The following B3GALT1 variants were observed in gnomAD, a reference collection of about 807,000 sequenced individuals.
B3GALT1 encodes UDP-Gal:betaGlcNAc beta 1,3-galactosyltransferase, polypeptide 1.
Under a neutral mutation model 23.2 loss-of-function variants are expected in B3GALT1, and 10 were observed. The ratio of observed to expected loss-of-function variants is 0.43; its 90% CI spans 0.27 to 0.73. The LOEUF (loss-of-function observed/expected upper bound fraction) is 0.73. B3GALT1 is among the 30% of genes least tolerant of loss of function. B3GALT1 has a pLI of 0.21. For missense variants in B3GALT1, 299 were observed against 405.4 expected, an observed-to-expected ratio of 0.74 and a Z score of 2.25; for synonymous variants, 156 against 141.5, an observed-to-expected ratio of 1.10 and a Z score of -0.73.
In B3GALT1 at chr2:167,521,985, T is replaced by TATATATATATATATACAC. The variant is rs1700194800; in HGVS notation, c.-410+31723_-410+31724insCACATATATATATATATA. Among the ~76,000 whole-genome samples the TATATATATATATATACAC allele has an allele frequency of 9.7e-5, 10 of 103,356 alleles. No homozygotes were observed. The South Asian group carries it at 2.2e-3, about 22-fold the overall frequency. The allele number at this position is 103,356 out of a possible 152,430, so 67.8% of individuals were successfully genotyped here. A position where few individuals can be genotyped will look rare whatever the true frequency, so the allele number is the denominator to read the frequency against. On this transcript the variant is annotated intron_variant, in intron 2 of 4. Coordinates refer to ENST00000392690, the MANE Select transcript of B3GALT1 (RefSeq NM_020981.4). ...CAACATATATGTGTGTGTGTGTGTG[T>TATATATATATATATACAC]ATATATATATATATATATATACACA...
intron 1 of B3GALT1, among the ~76,000 whole-genome samples, chr2:167,470,882 T>G (rs1699411133): frequency 6.6e-6 from 1 of 152,162 alleles, no homozygotes; most frequent in Non-Finnish European, 1.5e-5. Flanking sequence ...CTTGATCAAT[T>G]TCATATAGCT....
intron 1 of B3GALT1, among the ~76,000 whole-genome samples, chr2:167,397,215 CCTCT>C (rs907727531): frequency 4.0e-5 from 6 of 151,094 alleles, no homozygotes; most frequent in African/African-American, 9.7e-5. Context: ...TTCATTCTTC[CCTCT>C]CTCTCCTTCC....
chr2:167,455,658 A>T (rs1346010355), intron 1 of B3GALT1, among the ~76,000 whole-genome samples: 1 of 151,948 alleles, frequency 6.6e-6, no homozygotes, highest in Admixed American at 6.6e-5. Context: ...GATTACAGGC[A>T]CACACCACCA....
intron 3 of B3GALT1, among the ~76,000 whole-genome samples, chr2:167,752,494 T>C (rs1341483864): frequency 6.6e-6 from 1 of 151,114 alleles, no homozygotes; most frequent in African/African-American, 2.4e-5. Context: ...TTGTAAACTT[T>C]CCAAAAAGAG....
At chr2:167,626,577 C>G (rs977709522) in intron 2 of B3GALT1, among the ~76,000 whole-genome samples, 12 of 151,610 alleles carry the variant, frequency 7.9e-5, no homozygotes, top group African/African-American at 2.9e-4. Context: ...GATTCATTCT[C>G]TTATCCAAAG....
chr2:167,378,217 T>C (rs1226737387), intron 1 of B3GALT1, among the ~76,000 whole-genome samples: 1 of 152,166 alleles, frequency 6.6e-6, no homozygotes, highest in Non-Finnish European at 1.5e-5. Context: ...GTTCCCTTAG[T>C]CTGTGATGTG....
At chr2:167,565,037 C>A (rs1014256470) in intron 2 of B3GALT1, among the ~76,000 whole-genome samples, 1 of 152,152 alleles carries the variant, frequency 6.6e-6, no homozygotes, top group Admixed American at 6.5e-5. Flanking sequence ...AAAAAAGAGC[C>A]CGCATTGCCA....
intron 3 of B3GALT1, among the ~76,000 whole-genome samples, chr2:167,734,547 A>G (rs9646774): frequency 0.2 from 30,574 of 152,180 alleles, 3,405 homozygotes; most frequent in Non-Finnish European, 0.26. Context: ...TGGCCATGAA[A>G]TCAATGCCAT....
intron 1 of B3GALT1, among the ~76,000 whole-genome samples, chr2:167,322,525 A>G (rs1342843803): frequency 1.3e-5 from 2 of 151,986 alleles, no homozygotes; most frequent in East Asian, 1.9e-4. Flanking sequence ...TTTTGCTGTA[A>G]TAGACTAAAT....
At chr2:167,791,097 G>A (rs182313749) in intron 3 of B3GALT1, among the ~76,000 whole-genome samples, 2 of 152,232 alleles carry the variant, frequency 1.3e-5, no homozygotes, top group Admixed American at 1.3e-4. Context: ...CTATGTGCCA[G>A]GCTGTGGTCT....
chr2:167,515,977 C>T (rs1167923165), intron 2 of B3GALT1, among the ~76,000 whole-genome samples: 11 of 152,048 alleles, frequency 7.2e-5, no homozygotes, highest in Non-Finnish European at 1.5e-4. Context: ...TCTAGCAATA[C>T]TATTCTGAAG....
chr2:167,389,552 G>A (rs2105281506), intron 1 of B3GALT1, among the ~76,000 whole-genome samples: 1 of 152,256 alleles, frequency 6.6e-6, no homozygotes, highest in Non-Finnish European at 1.5e-5. Flanking sequence ...ACAATAGAGG[G>A]CAGCCTAAGT....
chr2:167,420,945 G>A (rs1383410644), intron 1 of B3GALT1, among the ~76,000 whole-genome samples: 1 of 152,140 alleles, frequency 6.6e-6, no homozygotes, highest in Admixed American at 6.5e-5. Flanking sequence ...AAAAATGTAA[G>A]TGACTTATAC....
intron 1 of B3GALT1, among the ~76,000 whole-genome samples, chr2:167,413,638 A>G (rs2105297189): frequency 2.0e-5 from 3 of 151,972 alleles, no homozygotes; most frequent in Admixed American, 2.0e-4. Flanking sequence ...TCTTTGCTTT[A>G]AATTTTATGT....
chr2:167,739,940 A>G (rs75680498), intron 3 of B3GALT1, among the ~76,000 whole-genome samples: 4 of 106,602 alleles, frequency 3.8e-5, no homozygotes, highest in Admixed American at 9.0e-5. Context: ...AAAAACAAAC[A>G]AAAAAAAAAA....
intron 2 of B3GALT1, among the ~76,000 whole-genome samples, chr2:167,536,456 A>G (rs1156417559): frequency 1.3e-5 from 2 of 152,168 alleles, no homozygotes; most frequent in Non-Finnish European, 2.9e-5. Context: ...ACTAGGAAAC[A>G]TTTTATTTGT....
At chr2:167,819,053 A>C (rs13421840) in intron 4 of B3GALT1, among the ~76,000 whole-genome samples, 3,133 of 152,300 alleles carry the variant, frequency 0.021, 115 homozygotes, top group African/African-American at 0.071. Flanking sequence ...CGTGCAGGAA[A>C]AAGCCTTTAT....
At chr2:167,467,956 C>G (rs1699372131) in intron 1 of B3GALT1, among the ~76,000 whole-genome samples, 1 of 151,990 alleles carries the variant, frequency 6.6e-6, no homozygotes, top group South Asian at 2.1e-4. Context: ...AATAAGCAAC[C>G]AAAAATATAC....
intron 3 of B3GALT1, among the ~76,000 whole-genome samples, chr2:167,684,097 G>A (rs1056884090): frequency 5.3e-5 from 8 of 152,134 alleles, no homozygotes; most frequent in African/African-American, 1.7e-4. Flanking sequence ...AGCACCTAAT[G>A]CAAGGCATCA....
Sources: allele counts gnomAD v4.1 joint callset (sites outside exome capture counted in the v4.1 genomes callset), GRCh38; gene constraint gnomAD v4.1.1; transcripts MANE v1.5; gene names NCBI Gene and HGNC (gene_info 2026-07-23, HGNC 2026-07-21).